The following CP variants were observed in gnomAD, a reference collection of about 807,000 sequenced individuals.
The protein encoded by CP is caeruloplasmin.
CP carries 64 observed loss-of-function variants against 122.4 expected under a neutral mutation model. That is an observed-to-expected ratio of 0.52 (90% CI 0.43 to 0.64). The LOEUF (loss-of-function observed/expected upper bound fraction) is 0.64. Among genes scored for constraint, CP ranks in the 30% least tolerant of loss-of-function variants. CP has a pLI of 0.00. For missense variants in CP, 1,167 were observed against 1,284.4 expected (o/e 0.91, Z 1.40); for synonymous variants, 440 against 436.4 (o/e 1.01, Z -0.10).
chr3:149,189,948 G>C (rs1726436774), intron 9 of CP, among the ~76,000 whole-genome samples: 2 of 152,106 alleles, frequency 1.3e-5, no homozygotes, highest in Non-Finnish European at 2.9e-5. Context: ...ATGTCTGTGA[G>C]CATGCTGTAA....
exon 6 of CP, chr3:149,162,562 A>G (rs764783627): frequency 5.3e-6 from 6 of 1,126,938 alleles, no homozygotes; most frequent in South Asian, 2.5e-5. Context: ...TGCTTTTGCC[A>G]TGGCGCTAAT....
chr3:149,209,389 A>G lies in CP; in HGVS notation c.608-5T>C, dbSNP rs1343875340. On this transcript the variant is annotated splice_region_variant and splice_polypyrimidine_tract_variant and intron_variant, in intron 3 of 18. Coordinates refer to ENST00000264613, the MANE Select transcript of CP (RefSeq NM_000096.4). ...CTTTTTCTTTATCTAGAGAATCTGG[A>G]GTTAAAGTTACTATTTTAGCAAGAC... 3.7e-6 allele frequency: 6 copies of G among 1,612,216 alleles called. No individual in the cohort carries two copies. Among genetic ancestry groups the G allele is most frequent in the Non-Finnish European group, 5.1e-6 (6 of 1,178,784 alleles).
intron 10 of CP, among the ~76,000 whole-genome samples, chr3:149,187,605 GA>G (rs1467484710): frequency 6.6e-6 from 1 of 152,154 alleles, no homozygotes; most frequent in African/African-American, 2.4e-5. Flanking sequence ...TCTGCATATT[GA>G]ATAATCAAAT....
intron 6 of CP, among the ~76,000 whole-genome samples, chr3:149,202,620 T>G (rs1299755980): frequency 6.8e-6 from 1 of 147,036 alleles, no homozygotes; most frequent in African/African-American, 2.5e-5. Context: ...TTTTTTTTTT[T>G]TTTTTTGACA....
Position 149,210,270 on chromosome 3 carries a change from C to T in CP, c.504G>A (p.Gly168=). ...TAGTCACACAATTGCCATCTCCTTC[C>T]CCAGGACTTTGTTCTTCAGTGGCAA... ...MLLATEEQSP[G]EGDGNCVTRI... The change falls in exon 3 of 19, where the codon GGG becomes GGA. Residue 168 remains glycine (G), a synonymous_variant. Transcript: ENST00000264613. The T allele has an allele frequency of 1.9e-6, 3 of 1,614,012 alleles. 1 individual carries two copies. Among genetic ancestry groups the T allele is most frequent in the East Asian group, 2.2e-5 (1 of 44,868 alleles).
chr3:149,199,646 C>T (rs957214735), intron 8 of CP, 66 bp downstream of exon 8: 4 of 1,590,148 alleles, frequency 2.5e-6, no homozygotes, highest in Non-Finnish European at 2.6e-6. Context: ...TTGCAGCATA[C>T]TGTCAGTGAC....
intron 9 of CP, among the ~76,000 whole-genome samples, chr3:149,196,491 AG>A (rs1576756826): frequency 6.6e-6 from 1 of 152,330 alleles, no homozygotes; most frequent in Middle Eastern, 3.4e-3. Flanking sequence ...AACAAAAAAC[AG>A]GCTTTTGGGA....
Position 149,199,766 on chromosome 3 carries a change from T to C in CP, c.1447A>G (p.Asn483Asp). Residue 483 changes from asparagine to aspartate, a missense_variant, in exon 8 of 19, where the codon AAT (asparagine) becomes GAT (aspartate). Physicochemically the swap from Asn to Asp is conservative, Grantham distance 23. Around this residue, in one of 2 missense-constraint regions of CP, gnomAD observed 642 missense variants for 627.3 expected, o/e 1.02. Transcript: ENST00000264613. ...LSIEPIGVRFNKNNEGTYYSP... is the reference protein window; with the variant it reads ...LSIEPIGVRFDKNNEGTYYSP... Reference sequence around the variant, plus strand: ...TAGTATGTGCCCTCGTTGTTCTTATTGAATCTCACCCCAATCGGCTCAATA... The same window carrying C: ...TAGTATGTGCCCTCGTTGTTCTTATCGAATCTCACCCCAATCGGCTCAATA... 6.2e-7 allele frequency: 1 copy of C among 1,614,174 alleles called. No individual in the cohort carries two copies. The highest frequency in any genetic ancestry group is 1.1e-5 in the South Asian group (1 of 91,084).
chr3:149,210,451 T>C, intron 2 of CP, 72 bp from the exon 3 acceptor site: 1 of 1,270,870 alleles, frequency 7.9e-7, no homozygotes, highest in Non-Finnish European at 1.1e-6. Context: ...GATAGTCCAT[T>C]AATTCATTCA....
chr3:149,218,849 A>T (rs1338955879), intron 1 of CP, among the ~76,000 whole-genome samples: 3 of 152,208 alleles, frequency 2.0e-5, no homozygotes, highest in African/African-American at 7.2e-5. Flanking sequence ...CAGACCTTCA[A>T]GATCAACATT....
intron 10 of CP, 22 bp downstream of exon 10, chr3:149,188,030 T>C: frequency 1.9e-6 from 3 of 1,611,070 alleles, no homozygotes; most frequent in Admixed American, 3.3e-5. Context: ...CTTGGTAGAT[T>C]GGTGGATGAT....
At chr3:149,204,137 C>T (rs1727535630) in intron 6 of CP, among the ~76,000 whole-genome samples, 1 of 152,100 alleles carries the variant, frequency 6.6e-6, no homozygotes, top group South Asian at 2.1e-4. Context: ...AAGAATGAGG[C>T]TTAGATAGAT....
At chr3:149,207,285 G>A in intron 5 of CP, 78 bp downstream of exon 5, 1 of 1,561,722 alleles carries the variant, frequency 6.4e-7, no homozygotes, top group Non-Finnish European at 8.8e-7. Flanking sequence ...TTATTTCAAA[G>A]ATATTTAGCT....
chr3:149,188,128 ATTATC>A lies in CP; in HGVS notation c.1783_1787del (p.Asp595TyrfsTer2). The A allele has an allele frequency of 6.2e-7, 1 of 1,612,890 alleles. No homozygotes were observed. Among genetic ancestry groups the A allele is most frequent in the Non-Finnish European group, 8.5e-7 (1 of 1,179,660 alleles). ...CAGGTGCAGTTGTAAACATTCTAAT[ATTATC>A]TTCCAGGAGTAAACTCTCATTCTCA... On this transcript the variant is annotated frameshift_variant, in exon 10 of 19. Transcript: ENST00000264613. LOFTEE classifies it high-confidence loss of function.
At chr3:149,188,848 T>C (rs760892874) in intron 9 of CP, among the ~76,000 whole-genome samples, 3 of 152,120 alleles carry the variant, frequency 2.0e-5, no homozygotes, top group Non-Finnish European at 4.4e-5. Flanking sequence ...TGAGAATAAG[T>C]GACTCTTAAA....
At chr3:149,209,870 T>C (rs1268623033) in intron 3 of CP, among the ~76,000 whole-genome samples, 1 of 152,190 alleles carries the variant, frequency 6.6e-6, no homozygotes, top group East Asian at 1.9e-4. Flanking sequence ...TCACATTTGG[T>C]AAAGTCATAT....
rs747012860 is a variant in CP at position 149,210,363 on chromosome 3, A to T, written c.411T>A (p.Asp137Glu). 1.9e-6 allele frequency: 3 copies of T among 1,614,024 alleles called. No individual in the cohort carries two copies. In the South Asian group the frequency reaches 3.3e-5, roughly 18 times the overall value. Residue 137 changes from aspartate (D) to glutamate (E), a missense_variant, in exon 3 of 19, where the codon GAT (aspartate) becomes GAA (glutamate). Physicochemically the swap from Asp to Glu is conservative, Grantham distance 45. This residue lies in a region of CP where 642 missense variants were observed against 627.3 expected (regional missense o/e 1.02). Coordinates refer to ENST00000264613, the MANE Select transcript of CP (RefSeq NM_000096.4). ...CTGCTCTTTGAAAATCTGTGGTGTT[A>T]TCAGGGTAGATGGCCCCTAGGAAGC... Reference protein sequence around the residue: ...YKEHEGAIYPDNTTDFQRADD... With the variant: ...YKEHEGAIYPENTTDFQRADD...
In CP at chr3:149,221,740, C is replaced by T. The variant is rs1187462123; in HGVS notation, c.53G>A (p.Trp18Ter). Residue 18 changes from tryptophan (W) to a stop codon, truncating the protein, a stop_gained, in exon 1 of 19, where the codon TGG becomes TAG. Coordinates refer to ENST00000264613, the MANE Select transcript of CP (RefSeq NM_000096.4). LOFTEE classifies it high-confidence loss of function. ...IFLFLCSTPA[W>*]AKEKHYYIGI... ...AATGTAATAATGCTTTTCTTTCGCCCAGGCTGGGGTACTACATAAAAACAG... is the reference window on the plus strand; with the variant it reads ...AATGTAATAATGCTTTTCTTTCGCCTAGGCTGGGGTACTACATAAAAACAG... 1 of 1,613,490 alleles carries T rather than the reference C, an allele frequency of 6.2e-7. No individual in the cohort carries two copies. The highest frequency in any genetic ancestry group is 1.7e-5 in the Admixed American group (1 of 59,966).
intron 4 of CP, chr3:149,166,158 T>C: frequency 5.4e-6 from 2 of 369,954 alleles, no homozygotes; most frequent in South Asian, 4.1e-5. Context: ...TCAAAAGTAG[T>C]ATTTATAGTT....
Sources: allele counts gnomAD v4.1 joint callset (sites outside exome capture counted in the v4.1 genomes callset), GRCh38; gene constraint gnomAD v4.1.1; regional missense constraint gnomAD v4.1.1; transcripts MANE v1.5; gene names NCBI Gene and HGNC (gene_info 2026-07-23, HGNC 2026-07-21).